The following ZFP1 variants were observed in gnomAD, a reference collection of about 807,000 sequenced individuals.
ZFP1 encodes ZFP1 zinc finger protein.
In ZFP1, 32 loss-of-function variants were observed where a neutral mutation model predicts 38.5. The ratio of observed to expected loss-of-function variants is 0.83; its 90% CI spans 0.63 to 1.12. The LOEUF is 1.12. Among genes scored for constraint, ZFP1 ranks in the 50% most tolerant of loss-of-function variants. The pLI, the probability that ZFP1 is intolerant of heterozygous loss-of-function variation, is 0.00. For synonymous variants in ZFP1, 245 were observed against 168.8 expected, an observed-to-expected ratio of 1.45 and a Z score of -3.50; for missense variants, 616 against 480.8, an observed-to-expected ratio of 1.28 and a Z score of -2.63.
intron 1 of ZFP1, among the ~76,000 whole-genome samples, chr16:75,151,312 C>T (rs181742283): frequency 1.3e-5 from 2 of 152,022 alleles, no homozygotes; most frequent in African/African-American, 2.4e-5. Flanking sequence ...TATAATTTGA[C>T]CTCTGTTATT....
chr16:75,123,697 C>T, the ZFP1 span, among the ~76,000 whole-genome samples: 25 of 150,652 alleles, frequency 1.7e-4, no homozygotes, highest in East Asian at 8.0e-4. Flanking sequence ...AGGCTGGTCT[C>T]GAACTCCTGA....
chr16:75,149,431 A>G (rs1303846728), intron 1 of ZFP1, among the ~76,000 whole-genome samples: 3 of 152,148 alleles, frequency 2.0e-5, no homozygotes, highest in Non-Finnish European at 4.4e-5. Flanking sequence ...AAGTTTTCCC[A>G]TGATTCTGGT....
chr16:75,127,143 C>G, the ZFP1 span, among the ~76,000 whole-genome samples: 1 of 152,182 alleles, frequency 6.6e-6, no homozygotes, highest in Non-Finnish European at 1.5e-5. Flanking sequence ...TTGTCATTCA[C>G]GGATAATCGT....
chr16:75,165,788 T>G (rs1285451066), intron 2 of ZFP1, among the ~76,000 whole-genome samples: 1 of 152,074 alleles, frequency 6.6e-6, no homozygotes, highest in African/African-American at 2.4e-5. Context: ...GTGTGGGGTG[T>G]GTTGGAAAAT....
upstream of ZFP1, among the ~76,000 whole-genome samples, chr16:75,146,193 C>T (rs1173639535): frequency 1.1e-4 from 17 of 150,480 alleles, no homozygotes; most frequent in South Asian, 6.3e-4. Flanking sequence ...GACGGGGTCT[C>T]GCTCTGTCGC....
chr16:75,120,431 T>C, the ZFP1 span, among the ~76,000 whole-genome samples: 11 of 152,058 alleles, frequency 7.2e-5, no homozygotes, highest in African/African-American at 2.7e-4. Flanking sequence ...TCTTATGCAA[T>C]CCCCAGAGTG....
rs912133914 is a variant in ZFP1 at position 75,171,980 on chromosome 16, A to G, written c.*1646A>G. 8.5e-5 allele frequency: 13 copies of G among 152,242 alleles called. No homozygotes were observed. The highest frequency in any genetic ancestry group is 2.9e-4 in the African/African-American group (12 of 41,460). The allele number at this position is 152,242 out of a possible 1,614,324, so 9.4% of individuals were successfully genotyped here. On this transcript the variant is annotated 3_prime_UTR_variant, in exon 4 of 4. Coordinates refer to ENST00000570010, the MANE Select transcript of ZFP1 (RefSeq NM_153688.4). ...TAAGGAATAAAAAGCGCCAGCACTT[A>G]AGATTATATGTTTACTAATGTATAT...
intron 2 of ZFP1, among the ~76,000 whole-genome samples, chr16:75,159,219 T>C (rs2037621942): frequency 6.6e-6 from 1 of 150,756 alleles, no homozygotes; most frequent in African/African-American, 2.4e-5. Flanking sequence ...TTGCTTGATT[T>C]CTCCTTCATT....
chr16:75,150,944 C>G (rs2037170315), intron 1 of ZFP1, among the ~76,000 whole-genome samples: 1 of 152,162 alleles, frequency 6.6e-6, no homozygotes, highest in Non-Finnish European at 1.5e-5. Flanking sequence ...GTAGCTAGGA[C>G]TGCAGGTGTG....
the ZFP1 span, among the ~76,000 whole-genome samples, chr16:75,121,158 A>C: frequency 1.3e-5 from 2 of 150,372 alleles, no homozygotes; most frequent in African/African-American, 4.9e-5. Flanking sequence ...CCTATGATAA[A>C]TTTCTTTTTT....
At chr16:75,163,527 G>A (rs568625955) in intron 2 of ZFP1, among the ~76,000 whole-genome samples, 1 of 151,624 alleles carries the variant, frequency 6.6e-6, no homozygotes, top group Non-Finnish European at 1.5e-5. Flanking sequence ...GTCCAGGCTG[G>A]TATCAAACTC....
chr16:75,126,687 G>C, the ZFP1 span, among the ~76,000 whole-genome samples: 2 of 152,212 alleles, frequency 1.3e-5, no homozygotes, highest in South Asian at 4.1e-4. Context: ...ACAGGCATGA[G>C]CCAGCACGCC....
At chr16:75,164,146 T>G (rs1275722154) in intron 2 of ZFP1, among the ~76,000 whole-genome samples, 3 of 152,260 alleles carry the variant, frequency 2.0e-5, no homozygotes, top group Non-Finnish European at 4.4e-5. Context: ...GCTTTGTTAC[T>G]TTGTTTATAT....
At chr16:75,122,300 G>A in the ZFP1 span, among the ~76,000 whole-genome samples, 1 of 152,226 alleles carries the variant, frequency 6.6e-6, no homozygotes, top group Non-Finnish European at 1.5e-5. Context: ...AAGAGCAGGA[G>A]TACCAGCCGG....
chr16:75,122,231 C>G, the ZFP1 span, among the ~76,000 whole-genome samples: 1 of 152,190 alleles, frequency 6.6e-6, no homozygotes, highest in South Asian at 2.1e-4. Flanking sequence ...CTGTGTCGTT[C>G]CCCTATTGGA....
intron 2 of ZFP1, among the ~76,000 whole-genome samples, chr16:75,156,299 C>CA (rs561633324): frequency 6.6e-6 from 1 of 151,722 alleles, no homozygotes. Context: ...ACTAAAAATA[C>CA]AAAAAAAATT....
Position 75,169,819 on chromosome 16 carries a change from G to A in ZFP1, c.709G>A (p.Glu237Lys). Reference sequence around the variant, plus strand: ...CAAACATCAGAGAATTCACACTGGGGAGAAACCTTTCGAGTGTCCGGAATG... The same window carrying A: ...CAAACATCAGAGAATTCACACTGGGAAGAAACCTTTCGAGTGTCCGGAATG... Reference protein sequence around the residue: ...LIKHQRIHTGEKPFECPECGK... With the variant: ...LIKHQRIHTGKKPFECPECGK... The change falls in exon 4 of 4, where the codon GAG (glutamate) becomes AAG (lysine). Residue 237 changes from glutamate to lysine, a missense_variant. Coordinates refer to ENST00000570010, the MANE Select transcript of ZFP1 (RefSeq NM_153688.4). The A allele has an allele frequency of 6.2e-7, 1 of 1,614,136 alleles. No homozygotes were observed. Among genetic ancestry groups the A allele is most frequent in the Non-Finnish European group, 8.5e-7 (1 of 1,180,014 alleles).
the ZFP1 span, among the ~76,000 whole-genome samples, chr16:75,133,549 A>G: frequency 6.6e-6 from 1 of 152,184 alleles, no homozygotes. Context: ...TTTCCTAAGG[A>G]TGATGGCCTC....
At chr16:75,140,819 C>A in the ZFP1 span, among the ~76,000 whole-genome samples, 1 of 152,108 alleles carries the variant, frequency 6.6e-6, no homozygotes, top group South Asian at 2.1e-4. Context: ...ATTAGCCGGG[C>A]GTGGTGTTGG....
Sources: allele counts gnomAD v4.1 joint callset (sites outside exome capture counted in the v4.1 genomes callset), GRCh38; gene constraint gnomAD v4.1.1; transcripts MANE v1.5; gene names NCBI Gene and HGNC (gene_info 2026-07-23, HGNC 2026-07-21).